The following CSMD1 variants were observed in gnomAD, a reference collection of about 807,000 sequenced individuals.
The protein encoded by CSMD1 is CUB and Sushi multiple domains 1, also known as CUB and sushi domain-containing protein 1.
In CSMD1, 213 loss-of-function variants were observed where a neutral mutation model predicts 417.5. That is an observed-to-expected ratio of 0.51 (90% CI 0.46 to 0.57). The LOEUF (loss-of-function observed/expected upper bound fraction) is 0.57. Among genes scored for constraint, CSMD1 ranks in the 20% least tolerant of loss-of-function variants. The pLI is 0.00. For synonymous variants in CSMD1, 2,862 were observed against 1,736.8 expected (o/e 1.65, Z -16.11); for missense variants, 6,923 against 4,529.7 (o/e 1.53, Z -15.17).
At chr8:3,430,269 G>A (rs1469064542) in intron 12 of CSMD1, among the ~76,000 whole-genome samples, 1 of 152,030 alleles carries the variant, frequency 6.6e-6, no homozygotes, top group Non-Finnish European at 1.5e-5. Context: ...TTATCAATAT[G>A]AATACTTACA....
intron 3 of CSMD1, among the ~76,000 whole-genome samples, chr8:4,363,461 T>G (rs1275807961): frequency 6.6e-6 from 1 of 152,188 alleles, no homozygotes; most frequent in Non-Finnish European, 1.5e-5. Flanking sequence ...TCCAGCTCTA[T>G]CTTCCCCACC....
At chr8:3,758,387 C>T (rs188754253) in intron 5 of CSMD1, among the ~76,000 whole-genome samples, 2 of 152,300 alleles carry the variant, frequency 1.3e-5, no homozygotes, top group Non-Finnish European at 1.5e-5. Context: ...ACATGAATTT[C>T]CTGATTTGAC....
chr8:4,083,118 T>G (rs932805227), intron 3 of CSMD1, among the ~76,000 whole-genome samples: 2 of 152,144 alleles, frequency 1.3e-5, no homozygotes, highest in Non-Finnish European at 2.9e-5. Context: ...ATAGTCCTTT[T>G]AGTATATACC....
chr8:3,777,121 TACACACACACACACACACACACAC>T (rs3028584), intron 5 of CSMD1, among the ~76,000 whole-genome samples: 3 of 146,514 alleles, frequency 2.0e-5, no homozygotes, highest in Non-Finnish European at 4.5e-5. Context: ...TATCTATACC[TACACACACACACACACACACACAC>T]ACACACACAC....
chr8:3,345,911 C>T (rs1807958812), intron 22 of CSMD1, among the ~76,000 whole-genome samples: 1 of 152,172 alleles, frequency 6.6e-6, no homozygotes, highest in Admixed American at 6.5e-5. Flanking sequence ...TCATGACATG[C>T]TTCTGAGAGC....
At chr8:4,401,063 G>C (rs1231469658) in intron 3 of CSMD1, among the ~76,000 whole-genome samples, 1 of 152,010 alleles carries the variant, frequency 6.6e-6, no homozygotes, top group Non-Finnish European at 1.5e-5. Flanking sequence ...TGATATACTT[G>C]ATTTTAAGAA....
intron 3 of CSMD1, among the ~76,000 whole-genome samples, chr8:4,074,284 G>A (rs1348638438): frequency 1.3e-5 from 2 of 151,998 alleles, no homozygotes; most frequent in East Asian, 3.9e-4. Flanking sequence ...ATGAAACGGT[G>A]TCAGCTAAAC....
rs752764157 is a variant in CSMD1, at chr8:3,586,267, C to T, written c.1098-7G>A. 6 of 1,500,224 alleles carry T rather than the reference C, an allele frequency of 4.0e-6. No individual in the cohort carries two copies. Among genetic ancestry groups the T allele is most frequent in the Non-Finnish European group, 5.3e-6 (6 of 1,131,456 alleles). 92.9% of individuals were successfully genotyped at this position (1,500,224 alleles called of 1,614,324 possible). ...CTGTACATTTGCACCAACCCTAAGC[C>T]GTTAAAAAAGAAAAAAAAAAACCCA... is the stretch of plus-strand genomic sequence containing the variant. On this transcript the variant is annotated splice_polypyrimidine_tract_variant and splice_region_variant and intron_variant, in intron 8 of 69. Transcript: ENST00000635120.
chr8:4,938,153 C>G (rs1807748446), intron 1 of CSMD1, among the ~76,000 whole-genome samples: 1 of 152,096 alleles, frequency 6.6e-6, no homozygotes, highest in Admixed American at 6.6e-5. Flanking sequence ...GATGTCAGAA[C>G]ATAATAGAGT....
At chr8:2,964,145 G>T (rs1803740769) in intron 59 of CSMD1, among the ~76,000 whole-genome samples, 2 of 152,180 alleles carry the variant, frequency 1.3e-5, no homozygotes, top group South Asian at 4.1e-4. Context: ...TGAAATGAAT[G>T]GAAGTTTCCA....
intron 36 of CSMD1, among the ~76,000 whole-genome samples, chr8:3,183,483 C>T (rs58364918): frequency 7.4e-4 from 30 of 40,738 alleles, no homozygotes; most frequent in African/African-American, 1.4e-3. Flanking sequence ...AGGTCTCTAA[C>T]GTTTCTTAAA....
chr8:3,759,740 CAA>C (rs1188168101), intron 5 of CSMD1, among the ~76,000 whole-genome samples: 1,186 of 116,402 alleles, frequency 0.01, 12 homozygotes, highest in South Asian at 0.029. Context: ...CTAAAAATAC[CAA>C]AAAAAAAAAA....
At chr8:4,909,570 C>G (rs893896837) in intron 1 of CSMD1, among the ~76,000 whole-genome samples, 2 of 152,084 alleles carry the variant, frequency 1.3e-5, no homozygotes, top group Non-Finnish European at 2.9e-5. Context: ...CTTGACCTGC[C>G]AGAGGTAAGA....
At chr8:3,037,759 G>C (rs1046247161) in intron 50 of CSMD1, among the ~76,000 whole-genome samples, 2 of 152,170 alleles carry the variant, frequency 1.3e-5, no homozygotes, top group African/African-American at 2.4e-5. Flanking sequence ...CCAATTAATA[G>C]AGTTTTAAAG....
At position 3,610,849 on chromosome 8, in the gene CSMD1, A is replaced by G. The variant is rs537065712; in HGVS notation, c.1097+5861T>C. Among the ~76,000 whole-genome samples, 5 of 152,146 alleles carry G rather than the reference A, an allele frequency of 3.3e-5. No homozygotes were observed. In the East Asian group the frequency reaches 5.8e-4, roughly 18 times the overall value. ...GGTCAAAATCATTTTACAATACTCT[A>G]AGGTGTTATGTGCCTTCTTCACTGA... is the stretch of plus-strand genomic sequence containing the variant. On this transcript the variant is annotated intron_variant, in intron 8 of 69. Transcript: ENST00000635120.
rs191849375 is a variant in CSMD1, at chr8:4,616,490, C to A, written c.302+20852G>T. Among the ~76,000 whole-genome samples the A allele has an allele frequency of 1.8e-3, 268 of 152,284 alleles. 1 individual carries two copies. Among genetic ancestry groups the A allele is most frequent in the Non-Finnish European group, 2.3e-3 (154 of 68,022 alleles). On this transcript the variant is annotated intron_variant, in intron 2 of 69. Coordinates refer to ENST00000635120, the MANE Select transcript of CSMD1 (RefSeq NM_033225.6). Reference sequence around the variant, plus strand: ...AGCTGGTTATAAATTATATCTCCTGCTCACTCTCTCTAAATCACACCAAAT... The same window carrying A: ...AGCTGGTTATAAATTATATCTCCTGATCACTCTCTCTAAATCACACCAAAT...
chr8:4,149,340 G>C (rs1241593184), intron 3 of CSMD1, among the ~76,000 whole-genome samples: 2 of 152,004 alleles, frequency 1.3e-5, no homozygotes, highest in African/African-American at 2.4e-5. Flanking sequence ...CATCACTCCA[G>C]TTTGCATTTC....
chr8:3,267,008 G>A (rs985693690), intron 26 of CSMD1, among the ~76,000 whole-genome samples: 1 of 152,176 alleles, frequency 6.6e-6, no homozygotes, highest in Non-Finnish European at 1.5e-5. Context: ...ATATGTGAAC[G>A]ATGGTAGTTT....
chr8:4,926,390 T>C (rs942366693), intron 1 of CSMD1, among the ~76,000 whole-genome samples: 28 of 152,078 alleles, frequency 1.8e-4, no homozygotes, highest in Middle Eastern at 3.2e-3. Flanking sequence ...ATTTTCTGTA[T>C]TTGTGAGATC....
Sources: allele counts gnomAD v4.1 joint callset (sites outside exome capture counted in the v4.1 genomes callset), GRCh38; gene constraint gnomAD v4.1.1; transcripts MANE v1.5; gene names NCBI Gene and HGNC (gene_info 2026-07-23, HGNC 2026-07-21).